LMF1: variants seen among roughly 807,000 people sequenced by gnomAD.
The protein encoded by LMF1 is transmembrane protein 112.
A neutral mutation model predicts 60.6 loss-of-function variants in LMF1; 68 were observed. That is an observed-to-expected ratio of 1.12 (90% CI 0.92 to 1.37). The LOEUF (loss-of-function observed/expected upper bound fraction) is 1.37. Among genes scored for constraint, LMF1 ranks in the 40% most tolerant of loss-of-function variants. The probability of loss-of-function intolerance (pLI) is 0.00; values close to 1 mark genes in which losing one functional copy is unlikely to be tolerated. For synonymous variants in LMF1, 418 were observed against 324.7 expected (o/e 1.29, Z -3.09); for missense variants, 948 against 767.2 (o/e 1.24, Z -2.78).
intron 3 of LMF1, among the ~76,000 whole-genome samples, chr16:927,261 C>G (rs1009429782): frequency 2.0e-5 from 3 of 152,250 alleles, no homozygotes; most frequent in Non-Finnish European, 4.4e-5. Flanking sequence ...GTGGGCTTCC[C>G]TGTCCTTCCT....
intron 10 of LMF1, chr16:855,491 C>A (rs946019134): frequency 2.8e-6 from 1 of 357,410 alleles, no homozygotes; most frequent in African/African-American, 2.1e-5. Context: ...GGCATTTTCT[C>A]CTGGGGGTGG....
intron 3 of LMF1, among the ~76,000 whole-genome samples, chr16:929,932 A>G (rs965195178): frequency 1.3e-5 from 2 of 149,820 alleles, no homozygotes; most frequent in Non-Finnish European, 3.0e-5. Context: ...GGGCCCTGGG[A>G]CACAGAGCCC....
intron 1 of LMF1, among the ~76,000 whole-genome samples, chr16:978,006 C>A (rs574162334): frequency 2.5e-5 from 3 of 121,730 alleles, no homozygotes; most frequent in Admixed American, 8.4e-5. Flanking sequence ...ACACACACAC[C>A]ACACACACAC....
chr16:910,501 C>G (rs1212816539), intron 4 of LMF1, among the ~76,000 whole-genome samples: 1 of 152,206 alleles, frequency 6.6e-6, no homozygotes, highest in African/African-American at 2.4e-5. Flanking sequence ...TCTCATACCT[C>G]CCTCACCCTT....
chr16:855,363 GTC>G (rs540275405), intron 10 of LMF1: 3,095 of 305,126 alleles, frequency 0.01, 64 homozygotes, highest in South Asian at 0.038. Context: ...TAGCGGGCAG[GTC>G]TCTCTGCTGA....
chr16:865,545 C>T (rs935083116), intron 10 of LMF1, among the ~76,000 whole-genome samples: 2 of 152,136 alleles, frequency 1.3e-5, no homozygotes, highest in African/African-American at 4.8e-5. Context: ...CGAGACTTCA[C>T]CATGTTGGCC....
At chr16:933,677 A>G (rs2071856803) in intron 3 of LMF1, 1 of 273,786 alleles carries the variant, frequency 3.7e-6, no homozygotes, top group Non-Finnish European at 7.2e-6. Flanking sequence ...CTGCTTACCA[A>G]GCCACCGTGT....
At chr16:918,795 C>T (rs922224893) in intron 3 of LMF1, among the ~76,000 whole-genome samples, 6 of 152,110 alleles carry the variant, frequency 3.9e-5, no homozygotes, top group East Asian at 1.9e-4. Flanking sequence ...CACGCGGGGC[C>T]GACGTCCCGG....
Position 934,345 on chromosome 16 carries a change from C to T in LMF1, c.504-91G>A, listed in dbSNP as rs559749708. The T allele has an allele frequency of 3.9e-6, 6 of 1,526,266 alleles. 1 individual carries two copies. The South Asian group carries it at 6.8e-5, about 17-fold the overall frequency. The allele number at this position is 1,526,266 out of a possible 1,614,324, so 94.5% of individuals were successfully genotyped here. A position where few individuals can be genotyped will look rare whatever the true frequency, so the allele number is the denominator to read the frequency against. On this transcript the variant is annotated intron_variant, in intron 2 of 10. Coordinates refer to ENST00000262301, the MANE Select transcript of LMF1 (RefSeq NM_022773.4). ...CCCCACTGAGTGAAGCCCACCCTGG[C>T]ACCCAGCACGGTGTGGGGTCAGGGA... is the stretch of plus-strand genomic sequence containing the variant.
At chr16:963,400 A>G (rs1164167212) in intron 1 of LMF1, among the ~76,000 whole-genome samples, 1 of 151,920 alleles carries the variant, frequency 6.6e-6, no homozygotes, top group Non-Finnish European at 1.5e-5. Flanking sequence ...CCCTGTGTGT[A>G]TGTGTCTGTA....
chr16:893,303 G>A (rs907366892), intron 4 of LMF1: 1 of 623,882 alleles, frequency 1.6e-6, no homozygotes, highest in Non-Finnish European at 2.9e-6. Flanking sequence ...GCGGGCGTGA[G>A]CAACAGTGGC....
rs1394058307 is a variant in LMF1, at chr16:871,188, G to C, written c.1051C>G (p.Arg351Gly). The change falls in exon 7 of 11, where the codon CGA (arginine) becomes GGA (glycine). Residue 351 changes from arginine (R) to glycine (G), a missense_variant. Coordinates refer to ENST00000262301, the MANE Select transcript of LMF1 (RefSeq NM_022773.4). ...DRVLQMQRDI[R>G]GARPEPRFGS... ...AATCTGGGCTCGGGCCGGGCCCCTC[G>C]GATGTCCCTCTGCATCTGCAGAACT... The C allele has an allele frequency of 2.5e-6, 4 of 1,607,606 alleles. No individual in the cohort carries two copies. The highest frequency in any genetic ancestry group is 1.7e-5 in the Admixed American group (1 of 59,458).
upstream of LMF1, among the ~76,000 whole-genome samples, chr16:973,002 C>T (rs574400385): frequency 3.5e-4 from 54 of 152,286 alleles, no homozygotes; most frequent in Non-Finnish European, 7.1e-4. Flanking sequence ...CAGCTCTGGT[C>T]GTGCCCATTT....
At chr16:967,071 G>A (rs536110662) in intron 1 of LMF1, among the ~76,000 whole-genome samples, 9 of 152,300 alleles carry the variant, frequency 5.9e-5, no homozygotes, top group Admixed American at 1.3e-4. Flanking sequence ...TCCTTCCCCC[G>A]TCTTGTCAGG....
intron 4 of LMF1, among the ~76,000 whole-genome samples, chr16:902,981 C>G: frequency 1.5e-5 from 1 of 67,234 alleles, no homozygotes; most frequent in Non-Finnish European, 2.5e-5. Context: ...CCTGTCTCTG[C>G]TGCGTGGTGG....
chr16:896,286 C>T (rs2070659069), intron 4 of LMF1, among the ~76,000 whole-genome samples: 1 of 152,114 alleles, frequency 6.6e-6, no homozygotes, highest in Non-Finnish European at 1.5e-5. Context: ...GAGGCTCAGC[C>T]ACCCCGCGCA....
intron 1 of LMF1, among the ~76,000 whole-genome samples, chr16:957,651 G>A (rs1357350046): frequency 6.6e-6 from 1 of 152,170 alleles, no homozygotes; most frequent in African/African-American, 2.4e-5. Flanking sequence ...AACAGAGGTG[G>A]AGGACTCATG....
intron 5 of LMF1, among the ~76,000 whole-genome samples, chr16:888,626 C>T (rs188505288): frequency 1.5e-4 from 23 of 152,334 alleles, no homozygotes; most frequent in Non-Finnish European, 2.6e-4. Flanking sequence ...GCAACCGCTC[C>T]GATGTGGGGA....
intron 1 of LMF1, among the ~76,000 whole-genome samples, chr16:965,452 G>A (rs566956548): frequency 6.6e-6 from 1 of 152,328 alleles, no homozygotes; most frequent in African/African-American, 2.4e-5. Flanking sequence ...GAGCCTCAGA[G>A]ACTCCTCGAT....
Sources: gnomAD v4.1 joint callset for allele counts (sites outside exome capture counted in the v4.1 genomes callset) on GRCh38, gnomAD v4.1.1 for gene constraint, MANE v1.5 for transcripts, NCBI Gene and HGNC (gene_info 2026-07-23, HGNC 2026-07-21) for gene names.